The following GALNTL6 variants were observed in gnomAD, a reference collection of about 807,000 sequenced individuals.
GALNTL6 encodes polypeptide N-acetylgalactosaminyltransferase-like 6.
In GALNTL6, 46 loss-of-function variants were observed where a neutral mutation model predicts 73.7. The ratio of observed to expected loss-of-function variants is 0.62; its 90% CI spans 0.49 to 0.80. The LOEUF is 0.80. Among genes scored for constraint, GALNTL6 ranks in the 30% least tolerant of loss-of-function variants. The pLI is 0.00. For missense variants in GALNTL6, 604 were observed against 755.0 expected (o/e 0.80, Z 2.34); for synonymous variants, 259 against 263.7 (o/e 0.98, Z 0.17).
chr4:172,720,987 G>C (rs981934555), intron 5 of GALNTL6, among the ~76,000 whole-genome samples: 6 of 152,158 alleles, frequency 3.9e-5, no homozygotes, highest in Non-Finnish European at 1.5e-5. Context: ...TTTAAATGTA[G>C]CATGTCACCA....
intron 2 of GALNTL6, among the ~76,000 whole-genome samples, chr4:172,024,672 G>C (rs1033521494): frequency 6.6e-6 from 1 of 151,842 alleles, no homozygotes; most frequent in Non-Finnish European, 1.5e-5. Context: ...TTTTGCCATA[G>C]AACTGTATAG....
At chr4:172,038,818 GA>G (rs1742008421) in intron 2 of GALNTL6, among the ~76,000 whole-genome samples, 1 of 152,174 alleles carries the variant, frequency 6.6e-6, no homozygotes, top group African/African-American at 2.4e-5. Flanking sequence ...CAAGGAAATA[GA>G]AAGTGATAAT....
At chr4:172,415,390 G>A (rs1193942487) in intron 5 of GALNTL6, among the ~76,000 whole-genome samples, 2 of 152,168 alleles carry the variant, frequency 1.3e-5, no homozygotes, top group Non-Finnish European at 2.9e-5. Flanking sequence ...GCACAGCCAT[G>A]TGAGGGATTC....
At chr4:171,907,359 CAG>C (rs1168025937) in intron 2 of GALNTL6, among the ~76,000 whole-genome samples, 1 of 152,100 alleles carries the variant, frequency 6.6e-6, no homozygotes. Context: ...AACAGACTAA[CAG>C]AGAGCCAAAT....
chr4:172,201,100 C>T (rs1735935916), intron 2 of GALNTL6, among the ~76,000 whole-genome samples: 2 of 151,832 alleles, frequency 1.3e-5, no homozygotes, highest in Non-Finnish European at 2.9e-5. Context: ...TTGTTAAACA[C>T]TGAAACAACT....
At chr4:172,857,856 G>C (rs1158117417) in intron 7 of GALNTL6, among the ~76,000 whole-genome samples, 1 of 152,188 alleles carries the variant, frequency 6.6e-6, no homozygotes, top group African/African-American at 2.4e-5. Flanking sequence ...GCTCTTTGCT[G>C]TGTTTCATTT....
At chr4:172,281,351 T>C (rs1739048053) in intron 3 of GALNTL6, among the ~76,000 whole-genome samples, 1 of 152,128 alleles carries the variant, frequency 6.6e-6, no homozygotes, top group South Asian at 2.1e-4. Flanking sequence ...CTCCCACCTC[T>C]GCTTTAGTTG....
At chr4:172,180,263 C>A (rs1360384236) in intron 2 of GALNTL6, among the ~76,000 whole-genome samples, 13 of 152,114 alleles carry the variant, frequency 8.5e-5, no homozygotes, top group Non-Finnish European at 1.9e-4. Flanking sequence ...AGTGTCTGTT[C>A]ATATCCTTTG....
At chr4:172,554,980 G>T (rs192219552) in intron 5 of GALNTL6, among the ~76,000 whole-genome samples, 1 of 152,190 alleles carries the variant, frequency 6.6e-6, no homozygotes, top group East Asian at 1.9e-4. Context: ...AATAGGTGTC[G>T]CAATTTACAT....
chr4:172,490,469 T>C (rs1392333354), intron 5 of GALNTL6, among the ~76,000 whole-genome samples: 1 of 152,176 alleles, frequency 6.6e-6, no homozygotes, highest in Non-Finnish European at 1.5e-5. Flanking sequence ...ACCTTATAGA[T>C]TGTTTATTTC....
At chr4:172,232,505 C>G (rs1447498422) in intron 3 of GALNTL6, among the ~76,000 whole-genome samples, 1 of 151,724 alleles carries the variant, frequency 6.6e-6, no homozygotes, top group Non-Finnish European at 1.5e-5. Flanking sequence ...TATAAGTATT[C>G]TTGTGCATGG....
At chr4:172,948,028 T>C (rs534075593) in intron 9 of GALNTL6, among the ~76,000 whole-genome samples, 1 of 152,342 alleles carries the variant, frequency 6.6e-6, no homozygotes, top group East Asian at 1.9e-4. Flanking sequence ...TGTTTTATTA[T>C]TTCCAGAATA....
chr4:172,115,680 A>T (rs1732966792), intron 2 of GALNTL6, among the ~76,000 whole-genome samples: 2 of 152,238 alleles, frequency 1.3e-5, no homozygotes. Flanking sequence ...TACGGGAATG[A>T]CATGGAATTT....
chr4:172,839,177 CA>C (rs1743070794), intron 7 of GALNTL6, among the ~76,000 whole-genome samples: 1 of 152,190 alleles, frequency 6.6e-6, no homozygotes, highest in African/African-American at 2.4e-5. Context: ...GGAGGGGCCC[CA>C]AGGTTGCAGG....
At chr4:172,799,801 A>C (rs1740504035) in intron 5 of GALNTL6, among the ~76,000 whole-genome samples, 1 of 152,232 alleles carries the variant, frequency 6.6e-6, no homozygotes, top group African/African-American at 2.4e-5. Context: ...AATCTCTTGA[A>C]GAGATATTTG....
intron 5 of GALNTL6, among the ~76,000 whole-genome samples, chr4:172,517,502 A>G (rs1174172314): frequency 6.6e-6 from 1 of 152,152 alleles, no homozygotes; most frequent in Admixed American, 6.6e-5. Flanking sequence ...GCTGGAAAGT[A>G]GTTATAAAAT....
At chr4:171,869,892 C>T (rs1203534861) in intron 2 of GALNTL6, among the ~76,000 whole-genome samples, 1 of 152,134 alleles carries the variant, frequency 6.6e-6, no homozygotes, top group Non-Finnish European at 1.5e-5. Flanking sequence ...TCCCCAGCCA[C>T]ATGGAACTAC....
intron 5 of GALNTL6, among the ~76,000 whole-genome samples, chr4:172,496,827 A>G (rs949411878): frequency 6.6e-6 from 1 of 152,222 alleles, no homozygotes; most frequent in Non-Finnish European, 1.5e-5. Flanking sequence ...TAGTGCTAAG[A>G]TTTTGGGAAA....
chr4:172,893,730 G>A (rs1487325394), intron 8 of GALNTL6, among the ~76,000 whole-genome samples: 1 of 152,194 alleles, frequency 6.6e-6, no homozygotes, highest in Non-Finnish European at 1.5e-5. Context: ...AGAGCCTGGG[G>A]GGAAGGGTAC....
Sources: allele counts gnomAD v4.1 joint callset (sites outside exome capture counted in the v4.1 genomes callset), GRCh38; gene constraint gnomAD v4.1.1; transcripts MANE v1.5; gene names NCBI Gene and HGNC (gene_info 2026-07-23, HGNC 2026-07-21).